Variants in NUBPL observed in about 807,000 individuals in gnomAD.
The protein encoded by NUBPL is iron-sulfur cluster transfer protein NUBPL.
In NUBPL, 31 loss-of-function variants were observed where a neutral mutation model predicts 45.7. The ratio of observed to expected loss-of-function variants is 0.68; its 90% CI spans 0.51 to 0.92. NUBPL has a LOEUF of 0.92. Ranked by LOEUF, NUBPL falls within the 40% of genes least tolerant of loss-of-function variation. The pLI is 0.00. For synonymous variants in NUBPL, 144 were observed against 140.9 expected (o/e 1.02, Z -0.15); for missense variants, 401 against 398.7 (o/e 1.01, Z -0.05).
intron 4 of NUBPL, among the ~76,000 whole-genome samples, chr14:31,640,041 CGAGG>C (rs1317243254): frequency 1.3e-5 from 2 of 152,130 alleles, no homozygotes; most frequent in Non-Finnish European, 2.9e-5. Flanking sequence ...GCTTCCTGAG[CGAGG>C]CAGTGCCTCG....
chr14:31,694,664 C>T lies in NUBPL; in HGVS notation c.513+21090C>T, dbSNP rs563991677. Reference sequence around the variant, plus strand: ...CTGAGTAGCTGGGATTACAGGTGTGCGCCATGACGTCTGGCTAATTTTTGT... The same window carrying T: ...CTGAGTAGCTGGGATTACAGGTGTGTGCCATGACGTCTGGCTAATTTTTGT... On this transcript the variant is annotated intron_variant, in intron 6 of 10. Coordinates refer to ENST00000281081, the MANE Select transcript of NUBPL (RefSeq NM_025152.3). Among the ~76,000 whole-genome samples the T allele has an allele frequency of 2.0e-3, 308 of 152,262 alleles. 1 individual carries two copies. Among genetic ancestry groups the T allele is most frequent in the African/African-American group, 6.8e-3 (281 of 41,554 alleles).
chr14:31,640,688 T>G (rs1243311884), intron 4 of NUBPL, among the ~76,000 whole-genome samples: 1 of 152,080 alleles, frequency 6.6e-6, no homozygotes, highest in Non-Finnish European at 1.5e-5. Flanking sequence ...AAATTTATTT[T>G]AAAATTTTAT....
intron 7 of NUBPL, among the ~76,000 whole-genome samples, chr14:31,792,034 A>G (rs2039392578): frequency 1.3e-5 from 2 of 152,182 alleles, no homozygotes; most frequent in Non-Finnish European, 2.9e-5. Context: ...AGTGGCTTTC[A>G]TAAGATAACA....
intron 8 of NUBPL, among the ~76,000 whole-genome samples, chr14:31,834,380 C>T (rs558800862): frequency 1.4e-4 from 22 of 152,012 alleles, no homozygotes; most frequent in East Asian, 1.4e-3. Context: ...GGGGTTTCAC[C>T]GTGTTAGCCA....
At chr14:31,811,560 A>G (rs1223480092) in intron 7 of NUBPL, among the ~76,000 whole-genome samples, 3 of 152,180 alleles carry the variant, frequency 2.0e-5, no homozygotes, top group Admixed American at 6.5e-5. Context: ...GATGGGTTCA[A>G]ACCTCCTCCT....
At chr14:31,597,787 G>A (rs1044596122) in intron 3 of NUBPL, among the ~76,000 whole-genome samples, 1 of 152,022 alleles carries the variant, frequency 6.6e-6, no homozygotes, top group Non-Finnish European at 1.5e-5. Context: ...ATACAGAAAA[G>A]AGATAAAATT....
intron 4 of NUBPL, among the ~76,000 whole-genome samples, chr14:31,634,816 G>C (rs1231880808): frequency 6.6e-6 from 1 of 150,668 alleles, no homozygotes; most frequent in Non-Finnish European, 1.5e-5. Flanking sequence ...TTGTGGTTTT[G>C]ATTTGCATTT....
chr14:31,632,638 G>C (rs2035375125), intron 4 of NUBPL, among the ~76,000 whole-genome samples: 1 of 152,188 alleles, frequency 6.6e-6, no homozygotes, highest in Admixed American at 6.5e-5. Flanking sequence ...TCCCAAAGTA[G>C]TCTTCCATGT....
chr14:31,700,375 G>C (rs923228374), intron 6 of NUBPL, among the ~76,000 whole-genome samples: 4 of 152,168 alleles, frequency 2.6e-5, no homozygotes, highest in African/African-American at 7.2e-5. Context: ...GTAGTAGTGA[G>C]AGGTGACAGC....
chr14:31,685,256 A>G (rs1256905977), intron 6 of NUBPL, among the ~76,000 whole-genome samples: 1 of 152,204 alleles, frequency 6.6e-6, no homozygotes, highest in Non-Finnish European at 1.5e-5. Context: ...GAGAACAAGG[A>G]TTGAGATAGG....
chr14:31,750,263 C>T (rs2038493677), intron 6 of NUBPL, among the ~76,000 whole-genome samples: 1 of 150,954 alleles, frequency 6.6e-6, no homozygotes, highest in Non-Finnish European at 1.5e-5. Context: ...CAAGCTCCGC[C>T]TCCCGGGTTC....
chr14:31,570,437 T>C (rs1477356992), intron 3 of NUBPL, among the ~76,000 whole-genome samples: 1 of 152,216 alleles, frequency 6.6e-6, no homozygotes, highest in Non-Finnish European at 1.5e-5. Flanking sequence ...TCAAATATAG[T>C]AGTAAATCTG....
intron 8 of NUBPL, among the ~76,000 whole-genome samples, chr14:31,829,704 G>A (rs1595687503): frequency 6.6e-6 from 1 of 152,104 alleles, no homozygotes; most frequent in African/African-American, 2.4e-5. Context: ...TGGAAACGAT[G>A]ATGTCATTGG....
In NUBPL at chr14:31,860,758, A is replaced by G. The variant is rs139856138; in HGVS notation, c.*1578A>G. 2.0e-5 allele frequency: 3 copies of G among 152,324 alleles called. No homozygotes were observed. The East Asian group carries it at 5.8e-4, about 29-fold the overall frequency. The allele number at this position is 152,324 out of a possible 1,614,324, so 9.4% of individuals were successfully genotyped here. A position where few individuals can be genotyped will look rare whatever the true frequency, so the allele number is the denominator to read the frequency against. Reference sequence around the variant, plus strand: ...AACCCAGATTTTCTTCATTGGGTAAATGATTAAACAAACCATAGTACATTC... The same window carrying G: ...AACCCAGATTTTCTTCATTGGGTAAGTGATTAAACAAACCATAGTACATTC... On this transcript the variant is annotated 3_prime_UTR_variant, in exon 11 of 11. Transcript: ENST00000281081.
At chr14:31,718,698 C>T (rs929576774) in intron 6 of NUBPL, among the ~76,000 whole-genome samples, 3 of 152,078 alleles carry the variant, frequency 2.0e-5, no homozygotes, top group African/African-American at 7.2e-5. Context: ...TTGTGTCAGG[C>T]TTATCTTTAC....
At chr14:31,626,378 G>A (rs2035207587) in intron 4 of NUBPL, among the ~76,000 whole-genome samples, 1 of 152,150 alleles carries the variant, frequency 6.6e-6, no homozygotes, top group Admixed American at 6.6e-5. Context: ...GACCTCAGGT[G>A]ATCCGCCTGC....
intron 3 of NUBPL, among the ~76,000 whole-genome samples, chr14:31,591,839 A>G (rs1161470342): frequency 6.6e-6 from 1 of 152,184 alleles, no homozygotes; most frequent in Non-Finnish European, 1.5e-5. Context: ...TAACAGATGG[A>G]GGTTTGTTCA....
chr14:31,822,453 G>T (rs1310850578), intron 7 of NUBPL, among the ~76,000 whole-genome samples: 1 of 151,974 alleles, frequency 6.6e-6, no homozygotes, highest in Admixed American at 6.6e-5. Flanking sequence ...TCACTTTAGG[G>T]CTATCTGAAA....
intron 7 of NUBPL, among the ~76,000 whole-genome samples, chr14:31,810,961 C>G (rs2039792191): frequency 1.3e-5 from 2 of 152,308 alleles, no homozygotes; most frequent in Admixed American, 6.5e-5. Context: ...TCTCTTCTGG[C>G]TTGTAGGGTT....
Sources: gnomAD v4.1 joint callset for allele counts (sites outside exome capture counted in the v4.1 genomes callset) on GRCh38, gnomAD v4.1.1 for gene constraint, MANE v1.5 for transcripts, NCBI Gene and HGNC (gene_info 2026-07-23, HGNC 2026-07-21) for gene names.